The following ASTN2 variants were observed in gnomAD, a reference collection of about 807,000 sequenced individuals.
ASTN2 encodes the protein astrotactin 2, also known as astrotactin-2.
Under a neutral mutation model 139.8 loss-of-function variants are expected in ASTN2, and 54 were observed. The ratio of observed to expected loss-of-function variants is 0.39; its 90% CI spans 0.31 to 0.48. ASTN2 has a LOEUF of 0.48. Ranked by LOEUF, ASTN2 falls within the 20% of genes least tolerant of loss-of-function variation. The pLI, the probability that ASTN2 is intolerant of heterozygous loss-of-function variation, is 0.95. For synonymous variants in ASTN2, 756 were observed against 719.5 expected (o/e 1.05, Z -0.81); for missense variants, 1,565 against 1,725.1 (o/e 0.91, Z 1.64).
At chr9:117,335,173 A>T (rs1828844022) in intron 1 of ASTN2, among the ~76,000 whole-genome samples, 1 of 152,134 alleles carries the variant, frequency 6.6e-6, no homozygotes, top group Non-Finnish European at 1.5e-5. Flanking sequence ...AAATTCCATC[A>T]CTTGTATATT....
At chr9:117,136,859 C>A (rs952088438) in intron 4 of ASTN2, among the ~76,000 whole-genome samples, 1 of 152,168 alleles carries the variant, frequency 6.6e-6, no homozygotes, top group African/African-American at 2.4e-5. Flanking sequence ...AATTCACAAC[C>A]CACATGTGAT....
chr9:117,195,291 G>C (rs1299849417), intron 3 of ASTN2, among the ~76,000 whole-genome samples: 3 of 152,092 alleles, frequency 2.0e-5, no homozygotes, highest in Non-Finnish European at 4.4e-5. Context: ...AAGGAAAGAG[G>C]GTAGTTTTCC....
chr9:116,993,358 T>G (rs1051666321), intron 7 of ASTN2, among the ~76,000 whole-genome samples: 2 of 152,108 alleles, frequency 1.3e-5, no homozygotes, highest in Non-Finnish European at 2.9e-5. Context: ...CCACAAGGCA[T>G]GCTTTGCTCC....
At chr9:117,142,558 C>T (rs959456350) in intron 3 of ASTN2, among the ~76,000 whole-genome samples, 6 of 152,292 alleles carry the variant, frequency 3.9e-5, no homozygotes, top group Admixed American at 3.9e-4. Flanking sequence ...GTCCAATATT[C>T]CGTTTGCACC....
intron 20 of ASTN2, among the ~76,000 whole-genome samples, chr9:116,466,987 C>T (rs139082641): frequency 7.9e-4 from 120 of 152,234 alleles, no homozygotes; most frequent in African/African-American, 2.9e-3. Context: ...CTGCAGTTCT[C>T]AATGTGGTTT....
intron 11 of ASTN2, among the ~76,000 whole-genome samples, chr9:116,824,563 T>A (rs1401818573): frequency 6.6e-6 from 1 of 152,248 alleles, no homozygotes; most frequent in Non-Finnish European, 1.5e-5. Flanking sequence ...TCAAGCCTGT[T>A]CAGATATTGG....
chr9:116,760,644 T>C (rs1429019101), intron 13 of ASTN2, among the ~76,000 whole-genome samples: 2 of 152,046 alleles, frequency 1.3e-5, no homozygotes, highest in African/African-American at 2.4e-5. Flanking sequence ...GTTCCTTTTT[T>C]TCCTTCTAGA....
At chr9:117,009,245 T>C (rs1421498900) in intron 6 of ASTN2, among the ~76,000 whole-genome samples, 3 of 152,198 alleles carry the variant, frequency 2.0e-5, no homozygotes, top group Non-Finnish European at 2.9e-5. Context: ...TCTTCTTGAA[T>C]ACTTGCGTAG....
At chr9:116,853,526 C>T (rs113557217) in intron 11 of ASTN2, among the ~76,000 whole-genome samples, 7,995 of 152,166 alleles carry the variant, frequency 0.053, 274 homozygotes, top group Admixed American at 0.1. Context: ...AGCAGACCCA[C>T]GGCCTCATTT....
chr9:116,482,125 G>A (rs1355278055), intron 20 of ASTN2, among the ~76,000 whole-genome samples: 1 of 152,152 alleles, frequency 6.6e-6, no homozygotes, highest in Non-Finnish European at 1.5e-5. Context: ...AAGAGATCGA[G>A]ACCATCCTGG....
At chr9:116,526,219 G>A (rs1253079866) in intron 19 of ASTN2, among the ~76,000 whole-genome samples, 1 of 152,146 alleles carries the variant, frequency 6.6e-6, no homozygotes, top group African/African-American at 2.4e-5. Flanking sequence ...TCTTCTATAT[G>A]CATGTGCACC....
intron 1 of ASTN2, among the ~76,000 whole-genome samples, chr9:117,295,645 A>G (rs1010268785): frequency 6.6e-6 from 1 of 152,100 alleles, no homozygotes; most frequent in Non-Finnish European, 1.5e-5. Flanking sequence ...GTATTTACAT[A>G]TATTTCAGTG....
intron 20 of ASTN2, among the ~76,000 whole-genome samples, chr9:116,455,830 G>T (rs1410457725): frequency 6.6e-6 from 1 of 150,736 alleles, no homozygotes; most frequent in Admixed American, 6.6e-5. Context: ...AAAATAAAAA[G>T]GAGTCCATAA....
At chr9:117,184,428 A>T (rs1025350309) in intron 3 of ASTN2, among the ~76,000 whole-genome samples, 15 of 152,170 alleles carry the variant, frequency 9.9e-5, no homozygotes, top group African/African-American at 3.1e-4. Flanking sequence ...CGAAGGCTTC[A>T]TTCACCAGGG....
chr9:117,279,746 C>A (rs1438306133), intron 2 of ASTN2, among the ~76,000 whole-genome samples: 1 of 152,132 alleles, frequency 6.6e-6, no homozygotes, highest in Non-Finnish European at 1.5e-5. Flanking sequence ...ATAATGAATA[C>A]CAGGACATTA....
chr9:116,466,967 C>T (rs4837545), intron 20 of ASTN2, among the ~76,000 whole-genome samples: 51,658 of 151,920 alleles, frequency 0.34, 9,637 homozygotes, highest in East Asian at 0.66. Flanking sequence ...TAGCCACTGA[C>T]GAACTATTTC....
chr9:116,728,951 A>G (rs1828704748), intron 15 of ASTN2, 41 bp downstream of exon 15: 4 of 1,525,490 alleles, frequency 2.6e-6, no homozygotes. Context: ...CAAGTGCTAA[A>G]TTATTCCAAG....
At chr9:116,511,180 A>G (rs1280076414) in intron 19 of ASTN2, among the ~76,000 whole-genome samples, 1 of 152,208 alleles carries the variant, frequency 6.6e-6, no homozygotes, top group Non-Finnish European at 1.5e-5. Context: ...ACGTCCGATC[A>G]ATACCTAACT....
At position 116,440,797 on chromosome 9, in the gene ASTN2, G is replaced by A. The variant is rs765153296; in HGVS notation, c.3599-5C>T. On this transcript the variant is annotated splice_polypyrimidine_tract_variant and splice_region_variant and intron_variant, in intron 21 of 22. Coordinates refer to ENST00000313400, the MANE Select transcript of ASTN2 (RefSeq NM_001365068.1). ...TGTAGATCTTGTCAGCTATTTCTGAGAGGGCAGAAGGGCAGAAACAGATCA... is the reference window on the plus strand; with the variant it reads ...TGTAGATCTTGTCAGCTATTTCTGAAAGGGCAGAAGGGCAGAAACAGATCA... The A allele has an allele frequency of 8.7e-6, 14 of 1,611,034 alleles. No homozygotes were observed. The East Asian group carries it at 2.9e-4, about 33-fold the overall frequency.
Sources: allele counts gnomAD v4.1 joint callset (sites outside exome capture counted in the v4.1 genomes callset), GRCh38; gene constraint gnomAD v4.1.1; transcripts MANE v1.5; gene names NCBI Gene and HGNC (gene_info 2026-07-23, HGNC 2026-07-21).